Variants in TENT2 observed in about 807,000 individuals in gnomAD.
The protein encoded by TENT2 is terminal nucleotidyltransferase 2, also known as poly(A) RNA polymerase GLD2.
In TENT2, 44 loss-of-function variants were observed where a neutral mutation model predicts 72.2. That is an observed-to-expected ratio of 0.61 (90% confidence interval 0.48 to 0.78). The LOEUF (loss-of-function observed/expected upper bound fraction) is 0.78. Among genes scored for constraint, TENT2 ranks in the 30% least tolerant of loss-of-function variants. The pLI is 0.00. For synonymous variants in TENT2, 212 were observed against 192.5 expected (o/e 1.10, Z -0.84); for missense variants, 541 against 569.6 (o/e 0.95, Z 0.51).
intron 2 of TENT2, 24 bp downstream of exon 2, chr5:79,619,809 C>G: frequency 6.3e-7 from 1 of 1,594,078 alleles, no homozygotes. Flanking sequence ...TATTTTGGCC[C>G]ATGTTGTTGG....
intron 4 of TENT2, among the ~76,000 whole-genome samples, chr5:79,634,447 C>T (rs545551653): frequency 3.4e-4 from 51 of 152,048 alleles, no homozygotes; most frequent in Middle Eastern, 6.8e-3. Context: ...AGTGATTCTC[C>T]GGCCTCAGCC....
intron 4 of TENT2, among the ~76,000 whole-genome samples, chr5:79,630,725 G>T (rs982132662): frequency 5.3e-5 from 8 of 152,100 alleles, no homozygotes; most frequent in African/African-American, 1.9e-4. Context: ...GTGGTTGAAG[G>T]TGTGGTAGGG....
intron 1 of TENT2, among the ~76,000 whole-genome samples, chr5:79,615,833 C>T (rs992729607): frequency 2.0e-5 from 3 of 152,094 alleles, no homozygotes; most frequent in Admixed American, 1.3e-4. Context: ...CCACCCCAGC[C>T]TCCAGAGTAG....
chr5:79,683,922 T>TAAAA (rs1824362807), intron 14 of TENT2, among the ~76,000 whole-genome samples: 1 of 11,402 alleles, frequency 8.8e-5, no homozygotes. Flanking sequence ...AGACTCCGTC[T>TAAAA]CAAAAAAAAA....
At chr5:79,618,486 G>A (rs944679954) in intron 1 of TENT2, among the ~76,000 whole-genome samples, 9 of 151,860 alleles carry the variant, frequency 5.9e-5, no homozygotes, top group East Asian at 3.9e-4. Context: ...TTCCCACCCC[G>A]GCCTCCCAGA....
intron 10 of TENT2, among the ~76,000 whole-genome samples, chr5:79,649,766 G>A (rs973283415): frequency 7.9e-5 from 12 of 152,022 alleles, no homozygotes; most frequent in African/African-American, 2.9e-4. Context: ...CTTGTAATTT[G>A]GACCATTCAT....
intron 14 of TENT2, among the ~76,000 whole-genome samples, chr5:79,684,803 T>C (rs1825324089): frequency 6.6e-6 from 1 of 152,254 alleles, no homozygotes; most frequent in African/African-American, 2.4e-5. Flanking sequence ...CATTTTCTTT[T>C]CTGATGACAG....
At chr5:79,616,356 G>A (rs975082074) in intron 1 of TENT2, among the ~76,000 whole-genome samples, 18 of 151,588 alleles carry the variant, frequency 1.2e-4, no homozygotes, top group Non-Finnish European at 5.9e-5. Flanking sequence ...GTGCTACCAC[G>A]CCTGGCTGAT....
rs1189325444 is a variant in TENT2, at chr5:79,687,228, A to C, written c.*1955A>C. ...GACTGAGGCCTGAAATTATGCACAC[A>C]TAACTGGCCAAATATCAGATAAGTG... On this transcript the variant is annotated 3_prime_UTR_variant, in exon 15 of 15. Coordinates refer to ENST00000453514, the MANE Select transcript of TENT2 (RefSeq NM_001114394.3). Among the ~76,000 whole-genome samples the C allele has an allele frequency of 2.0e-5, 3 of 152,220 alleles. No individual in the cohort carries two copies. Among genetic ancestry groups the C allele is most frequent in the Admixed American group, 6.5e-5 (1 of 15,286 alleles).
At chr5:79,613,678 G>C (rs1200589536) in intron 1 of TENT2, among the ~76,000 whole-genome samples, 1 of 152,160 alleles carries the variant, frequency 6.6e-6, no homozygotes, top group Non-Finnish European at 1.5e-5. Flanking sequence ...GAAATAGGCC[G>C]TTTATGAGTT....
chr5:79,613,139 C>T (rs1264699900), intron 1 of TENT2, 64 bp downstream of exon 1: 1 of 152,178 alleles, frequency 6.6e-6, no homozygotes, highest in Non-Finnish European at 1.5e-5. Flanking sequence ...AATTAAATGG[C>T]ATGAAATTGC....
intron 4 of TENT2, among the ~76,000 whole-genome samples, chr5:79,638,134 C>T (rs1313585549): frequency 6.6e-6 from 1 of 152,080 alleles, no homozygotes; most frequent in Non-Finnish European, 1.5e-5. Flanking sequence ...AAATATACTT[C>T]CTTAGTGCCT....
intron 9 of TENT2, 82 bp downstream of exon 9, chr5:79,648,775 C>A (rs1791201337): frequency 1.9e-6 from 2 of 1,080,172 alleles, no homozygotes; most frequent in Admixed American, 2.3e-5. Context: ...ATAGTGACAT[C>A]TCTTTAGTTG....
intron 4 of TENT2, among the ~76,000 whole-genome samples, chr5:79,635,842 T>C (rs1423708525): frequency 6.6e-6 from 1 of 152,082 alleles, no homozygotes; most frequent in Non-Finnish European, 1.5e-5. Flanking sequence ...AGGCGTGAGC[T>C]ACCTTGCCCA....
chr5:79,613,788 C>T (rs1757136374), intron 1 of TENT2: 1 of 152,108 alleles, frequency 6.6e-6, no homozygotes, highest in Admixed American at 6.5e-5. Context: ...TGTTCAAAAC[C>T]TGGAAGTAGT....
intron 10 of TENT2, among the ~76,000 whole-genome samples, chr5:79,649,530 T>C (rs1286956080): frequency 6.6e-6 from 1 of 152,136 alleles, no homozygotes; most frequent in Admixed American, 6.6e-5. Context: ...ATTCATCATA[T>C]TTTTAATTTT....
rs369492064 is a variant in TENT2, at chr5:79,664,594, C to CAA, written c.1072-4283_1072-4282dup. 1.8e-3 allele frequency among the ~76,000 whole-genome samples: 173 copies of CAA among 95,624 alleles called. 2 individuals are homozygous for CAA. Among genetic ancestry groups the CAA allele is most frequent in the South Asian group, 2.7e-3 (8 of 2,930 alleles). 62.7% of individuals were successfully genotyped at this position (95,624 alleles called of 152,430 possible). A position where few individuals can be genotyped will look rare whatever the true frequency, so the allele number is the denominator to read the frequency against. ...TGGGTGACAGAGTCTCACTCTGTCTCAAAAAAAAAAAAAAAAGAGGTTAAC... is the reference window on the plus strand; with the variant it reads ...TGGGTGACAGAGTCTCACTCTGTCTCAAAAAAAAAAAAAAAAAAGAGGTTAAC... On this transcript the variant is annotated intron_variant, in intron 11 of 14. Coordinates refer to ENST00000453514, the MANE Select transcript of TENT2 (RefSeq NM_001114394.3).
At chr5:79,680,250 A>C (rs1411671033) in intron 13 of TENT2, among the ~76,000 whole-genome samples, 1 of 152,214 alleles carries the variant, frequency 6.6e-6, no homozygotes, top group African/African-American at 2.4e-5. Flanking sequence ...GAGAATCAGC[A>C]TTTGTAGAAA....
chr5:79,648,475 AT>A, intron 8 of TENT2, 141 bp from the exon 9 acceptor site: 1 of 595,448 alleles, frequency 1.7e-6, no homozygotes, highest in Non-Finnish European at 2.9e-6. Flanking sequence ...TTAGTGTGTC[AT>A]TTTAAAAACA....
Sources: allele counts gnomAD v4.1 joint callset (sites outside exome capture counted in the v4.1 genomes callset), GRCh38; gene constraint gnomAD v4.1.1; transcripts MANE v1.5; gene names NCBI Gene and HGNC (gene_info 2026-07-23, HGNC 2026-07-21).